The following MARCO variants were observed in gnomAD, a reference collection of about 807,000 sequenced individuals.
MARCO encodes macrophage receptor MARCO.
MARCO carries 72 observed loss-of-function variants against 70.0 expected under a neutral mutation model. The ratio of observed to expected loss-of-function variants is 1.03; its 90% CI spans 0.85 to 1.25. The LOEUF is 1.25. Among genes scored for constraint, MARCO ranks in the 50% most tolerant of loss-of-function variants. The probability of loss-of-function intolerance (pLI) is 0.00; values close to 1 mark genes in which losing one functional copy is unlikely to be tolerated. For synonymous variants in MARCO, 273 were observed against 243.1 expected (o/e 1.12, Z -1.14); for missense variants, 696 against 659.3 (o/e 1.06, Z -0.61).
chr2:118,965,727 G>A (rs1192166491), intron 1 of MARCO, among the ~76,000 whole-genome samples: 2 of 152,160 alleles, frequency 1.3e-5, no homozygotes, highest in Non-Finnish European at 2.9e-5. Flanking sequence ...TATTATGTAG[G>A]TTCTGGCCTA....
At position 118,994,530 on chromosome 2, in the gene MARCO, C is replaced by T. The variant is rs111933917; in HGVS notation, c.*10C>T. The T allele has an allele frequency of 1.1e-4, 176 of 1,567,870 alleles. No individual in the cohort carries two copies. The African/African-American group carries it at 2.1e-3, about 19-fold the overall frequency. ...GGAGTGCAGCGTCTGACCCGGAAAC[C>T]CTTTCACTTCTCTGCTCCCGAGGTG... is the stretch of plus-strand genomic sequence containing the variant. On this transcript the variant is annotated 3_prime_UTR_variant, in exon 17 of 17. Coordinates refer to ENST00000327097, the MANE Select transcript of MARCO (RefSeq NM_006770.4).
In MARCO at chr2:118,987,536, T is replaced by C. The variant is rs145327590; in HGVS notation, c.1064-3053T>C. On this transcript the variant is annotated intron_variant, in intron 12 of 16. Transcript: ENST00000327097. ...AAGGTCCAACCTCTGCTATAGGAAC[T>C]GTGGGTCTGGGAGGATTCAGATGCG... Among the ~76,000 whole-genome samples, 46 of 152,290 alleles carry C rather than the reference T, an allele frequency of 3.0e-4. No homozygotes were observed. The East Asian group carries it at 8.7e-3, about 29-fold the overall frequency.
At chr2:118,964,028 G>C (rs189804603) in intron 1 of MARCO, among the ~76,000 whole-genome samples, 1 of 152,030 alleles carries the variant, frequency 6.6e-6, no homozygotes, top group Admixed American at 6.5e-5. Context: ...TTTTCTTAAT[G>C]GTTTCTCTAC....
chr2:118,986,462 G>A (rs145291923), intron 12 of MARCO, among the ~76,000 whole-genome samples: 69 of 150,250 alleles, frequency 4.6e-4, no homozygotes, highest in African/African-American at 1.5e-3. Flanking sequence ...TGAGCCTGCA[G>A]TGAGCTATGA....
Position 118,942,307 on chromosome 2 carries a change from A to T in MARCO, c.7A>T (p.Asn3Tyr), listed in dbSNP as rs769515231. 1 of 1,612,770 alleles carries T rather than the reference A, an allele frequency of 6.2e-7. No homozygotes were observed. Among genetic ancestry groups the T allele is most frequent in the Non-Finnish European group, 8.5e-7 (1 of 1,178,916 alleles). MR[N>Y]KKILKEDELL... ...CCATCTATAAAGCTTGGCAATGAGA[A>T]ATAAGAAAATTCTCAAGGAGGACGA... The change falls in exon 1 of 17, where the codon AAT (asparagine) becomes TAT (tyrosine). Residue 3 changes from asparagine (N) to tyrosine (Y), a missense_variant. Coordinates refer to ENST00000327097, the MANE Select transcript of MARCO (RefSeq NM_006770.4).
At chr2:118,961,980 T>C (rs1444101437) in intron 1 of MARCO, among the ~76,000 whole-genome samples, 5 of 152,240 alleles carry the variant, frequency 3.3e-5, no homozygotes, top group Admixed American at 3.3e-4. Context: ...TAGGAGATCC[T>C]TTCCCCATTG....
At chr2:118,988,335 AG>A (rs944040735) in intron 12 of MARCO, among the ~76,000 whole-genome samples, 5 of 151,890 alleles carry the variant, frequency 3.3e-5, no homozygotes, top group African/African-American at 9.7e-5. Flanking sequence ...GGACAGTTGG[AG>A]GGGTGCATCT....
At chr2:118,946,168 A>G (rs1206670983) in intron 1 of MARCO, among the ~76,000 whole-genome samples, 1 of 152,204 alleles carries the variant, frequency 6.6e-6, no homozygotes, top group Non-Finnish European at 1.5e-5. Context: ...ATTCTCCCCC[A>G]GTGGTAACAT....
At chr2:118,987,814 T>A (rs1235624848) in intron 12 of MARCO, among the ~76,000 whole-genome samples, 1 of 152,234 alleles carries the variant, frequency 6.6e-6, no homozygotes, top group African/African-American at 2.4e-5. Flanking sequence ...ACCCAGATGA[T>A]TCTGATGTAT....
chr2:118,981,276 A>G, intron 8 of MARCO, 133 bp from the exon 9 acceptor site: 2 of 662,170 alleles, frequency 3.0e-6, no homozygotes, highest in Non-Finnish European at 5.3e-6. Context: ...CATATCTTCC[A>G]CTCGCGGGCA....
intron 1 of MARCO, among the ~76,000 whole-genome samples, chr2:118,962,812 A>G (rs1462828395): frequency 1.3e-5 from 2 of 152,006 alleles, no homozygotes; most frequent in African/African-American, 4.8e-5. Context: ...CAGATTATCT[A>G]TTTCACCTTG....
intron 12 of MARCO, among the ~76,000 whole-genome samples, chr2:118,987,241 A>C (rs1260607646): frequency 6.6e-6 from 1 of 152,246 alleles, no homozygotes; most frequent in Non-Finnish European, 1.5e-5. Context: ...AGAAAAATCC[A>C]GCATTTATTT....
chr2:118,977,997 C>T (rs1680319629), intron 8 of MARCO, 62 bp downstream of exon 8: 3 of 1,130,704 alleles, frequency 2.7e-6, no homozygotes, highest in South Asian at 1.4e-5. Context: ...AGGGCCTGAC[C>T]TCTGTGCCAT....
At chr2:118,969,304 G>T (rs1274813671) in intron 2 of MARCO, 43 bp downstream of exon 2, 4 of 1,527,714 alleles carry the variant, frequency 2.6e-6, no homozygotes, top group Non-Finnish European at 3.6e-6. Context: ...TGGGGGGAGA[G>T]GGGTGACCCA....
Position 118,994,472 on chromosome 2 carries a change from T to C in MARCO, c.1515T>C (p.His505=). 1 of 1,613,148 alleles carries C rather than the reference T, an allele frequency of 6.2e-7. No homozygotes were observed. The highest frequency in any genetic ancestry group is 8.5e-7 in the Non-Finnish European group (1 of 1,179,512). ...GCTGCACCAAGAATAGCTGGGGCCA[T>C]CATGACTGCAGCCACGAGGAGGACG... The part of the protein sequence containing the change: ...LWSCTKNSWG[H]HDCSHEEDAG... The change falls in exon 17 of 17, where the codon CAT becomes CAC. Residue 505 remains histidine (H), a synonymous_variant. Transcript: ENST00000327097.
chr2:118,957,463 C>A (rs1573380589), intron 1 of MARCO, among the ~76,000 whole-genome samples: 1 of 152,138 alleles, frequency 6.6e-6, no homozygotes, highest in East Asian at 1.9e-4. Flanking sequence ...CCTGAACAGA[C>A]CAATAGCAAG....
At chr2:118,954,178 T>G (rs559195214) in intron 1 of MARCO, among the ~76,000 whole-genome samples, 169 of 152,294 alleles carry the variant, frequency 1.1e-3, no homozygotes, top group Admixed American at 3.1e-3. Flanking sequence ...AGGCAAGTTT[T>G]CAAGGCTGTC....
At chr2:118,992,951 G>A (rs904543057) in intron 15 of MARCO, 173 bp from the exon 16 acceptor site, 18 of 615,544 alleles carry the variant, frequency 2.9e-5, no homozygotes, top group Admixed American at 2.1e-4. Flanking sequence ...TGGAGGCTGC[G>A]TGCCAGGTTG....
chr2:118,986,786 G>GAAA (rs1680526868), intron 12 of MARCO, among the ~76,000 whole-genome samples: 9 of 151,930 alleles, frequency 5.9e-5, no homozygotes, highest in African/African-American at 1.9e-4. Flanking sequence ...AAGAGTGTGA[G>GAAA]AGAAAAGAAA....
Sources: allele counts gnomAD v4.1 joint callset (sites outside exome capture counted in the v4.1 genomes callset), GRCh38; gene constraint gnomAD v4.1.1; transcripts MANE v1.5; gene names NCBI Gene and HGNC (gene_info 2026-07-23, HGNC 2026-07-21).